The following PIK3C2B variants were observed in gnomAD, a reference collection of about 807,000 sequenced individuals.
PIK3C2B encodes the protein phosphatidylinositol-4-phosphate 3-kinase catalytic subunit type 2 beta.
PIK3C2B carries 83 observed loss-of-function variants against 184.3 expected under a neutral mutation model. That is an observed-to-expected ratio of 0.45 (90% CI 0.38 to 0.54). The LOEUF is 0.54. PIK3C2B is among the 20% of genes least tolerant of loss of function. The pLI is 0.00. For synonymous variants in PIK3C2B, 779 were observed against 837.6 expected (o/e 0.93, Z 1.21); for missense variants, 1,736 against 2,113.5 (o/e 0.82, Z 3.50).
At chr1:204,452,000 A>C (rs1415674471) in intron 12 of PIK3C2B, among the ~76,000 whole-genome samples, 2 of 152,198 alleles carry the variant, frequency 1.3e-5, no homozygotes, top group African/African-American at 4.8e-5. Context: ...GACTGGCCCA[A>C]AGACTGTCCT....
chr1:204,431,532 A>T lies in PIK3C2B; in HGVS notation c.4280+137T>A, dbSNP rs559591440. 3.6e-6 allele frequency: 4 copies of T among 1,099,896 alleles called. No individual in the cohort carries two copies. In the African/African-American group the frequency reaches 6.2e-5, roughly 17 times the overall value. 68.1% of individuals were successfully genotyped at this position (1,099,896 alleles called of 1,614,324 possible). On this transcript the variant is annotated intron_variant, in intron 28 of 32. Coordinates refer to ENST00000684373, the MANE Select transcript of PIK3C2B (RefSeq NM_001377334.1). Reference sequence around the variant, plus strand: ...GGGGGAGCACTTGTCATCAAACTCCATACCAGGCCAAGCAAAGCAGGCAGA... The same window carrying T: ...GGGGGAGCACTTGTCATCAAACTCCTTACCAGGCCAAGCAAAGCAGGCAGA...
chr1:204,434,308 A>G (rs1317678916), intron 24 of PIK3C2B, 131 bp downstream of exon 24: 1 of 779,800 alleles, frequency 1.3e-6, no homozygotes, highest in East Asian at 2.7e-5. Flanking sequence ...TCTCTCCTCC[A>G]ATGCTGCTCA....
intron 32 of PIK3C2B, 73 bp from the exon 33 acceptor site, chr1:204,425,113 G>C (rs1158017506): frequency 7.7e-7 from 1 of 1,298,034 alleles, no homozygotes; most frequent in Middle Eastern, 2.2e-4. Flanking sequence ...ACCCGAGAGG[G>C]AGATGGTAAA....
rs1487061215 is a variant in PIK3C2B at position 204,455,399 on chromosome 1, A to ATGCAGCG, written c.1943+456_1943+457insCGCTGCA. Among the ~76,000 whole-genome samples, 33 of 152,152 alleles carry ATGCAGCG rather than the reference A, an allele frequency of 2.2e-4. No homozygotes were observed. The South Asian group carries it at 6.8e-3, about 32-fold the overall frequency. ...TTCCCTCAGGCCTTGGATGCTGGGGACCCAACAGAGGCGCTGAGGATTTTA... is the reference window on the plus strand; with the variant it reads ...TTCCCTCAGGCCTTGGATGCTGGGGATGCAGCGCCCAACAGAGGCGCTGAGGATTTTA... On this transcript the variant is annotated intron_variant, in intron 11 of 32. Transcript: ENST00000684373.
intron 7 of PIK3C2B, 22 bp from the exon 8 acceptor site, chr1:204,459,963 A>G (rs200702188): frequency 6.2e-7 from 1 of 1,609,088 alleles, no homozygotes. Context: ...GGGCAGGGAA[A>G]AACCACAGGA....
intron 1 of PIK3C2B, among the ~76,000 whole-genome samples, chr1:204,484,492 T>C (rs551625714): frequency 7.2e-5 from 11 of 152,264 alleles, no homozygotes; most frequent in Non-Finnish European, 1.0e-4. Flanking sequence ...TCCAGCACTT[T>C]GGGAGGCCAA....
intron 10 of PIK3C2B, chr1:204,456,429 T>C (rs1654849800): frequency 6.0e-6 from 1 of 167,236 alleles, no homozygotes; most frequent in African/African-American, 2.4e-5. Flanking sequence ...CCCAAATACT[T>C]TGGGGGACAT....
In PIK3C2B at chr1:204,429,940, G is replaced by T. The variant is rs762550137; in HGVS notation, c.4379C>A (p.Ala1460Glu). Residue 1460 changes from alanine to glutamate, a missense_variant, in exon 29 of 33, where the codon GCA becomes GAA. Around this residue, in one of 8 missense-constraint regions of PIK3C2B, gnomAD observed 200 missense variants for 199.1 expected, o/e 1.00. Coordinates refer to ENST00000684373, the MANE Select transcript of PIK3C2B (RefSeq NM_001377334.1). Reference protein sequence around the residue: ...LNGYIWHLIHAPPEVAECDLV... With the variant: ...LNGYIWHLIHEPPEVAECDLV... ...ACCCACCTCGGCCACCTCAGGGGGT[G>T]CGTGGATCAAGTGCCAGATGTAACC... The T allele has an allele frequency of 6.2e-7, 1 of 1,611,290 alleles. No homozygotes were observed. Among genetic ancestry groups the T allele is most frequent in the Non-Finnish European group, 8.5e-7 (1 of 1,178,482 alleles).
At chr1:204,467,018 G>A (rs763815746) in intron 2 of PIK3C2B, 4 of 473,436 alleles carry the variant, frequency 8.4e-6, no homozygotes, top group South Asian at 4.8e-5. Context: ...AAGCTGAGCC[G>A]GGGAGGACCA....
At chr1:204,448,002 G>A (rs996292025) in intron 14 of PIK3C2B, among the ~76,000 whole-genome samples, 2 of 152,178 alleles carry the variant, frequency 1.3e-5, no homozygotes, top group African/African-American at 2.4e-5. Flanking sequence ...TGGGACACTC[G>A]GTCCCTACTC....
rs1165190217 is a variant in PIK3C2B at position 204,480,206 on chromosome 1, C to T, written c.-84-10320G>A. 5.9e-5 allele frequency among the ~76,000 whole-genome samples: 9 copies of T among 152,240 alleles called. No individual in the cohort carries two copies. In the East Asian group the frequency reaches 1.7e-3, roughly 29 times the overall value. On this transcript the variant is annotated intron_variant, in intron 1 of 32. Coordinates refer to ENST00000684373, the MANE Select transcript of PIK3C2B (RefSeq NM_001377334.1). ...AGACCATCCTCCAGAAGGAAGACATCCTTGCTGGGCTGACACTGGCTTTTT... is the reference window on the plus strand; with the variant it reads ...AGACCATCCTCCAGAAGGAAGACATTCTTGCTGGGCTGACACTGGCTTTTT...
intron 10 of PIK3C2B, 99 bp downstream of exon 10, chr1:204,456,938 G>C: frequency 5.6e-6 from 5 of 900,830 alleles, no homozygotes; most frequent in East Asian, 2.8e-5. Context: ...GCCGAACTCC[G>C]ACACATAAAT....
At chr1:204,468,101 T>C (rs1202223477) in intron 2 of PIK3C2B, among the ~76,000 whole-genome samples, 9 of 152,224 alleles carry the variant, frequency 5.9e-5, no homozygotes, top group Non-Finnish European at 7.3e-5. Flanking sequence ...TTTTTCTAAA[T>C]ATTTTCATTG....
rs750781430 is a variant in PIK3C2B, at chr1:204,464,546, C to T, written c.1093G>A (p.Val365Ile). 1.9e-6 allele frequency: 3 copies of T among 1,613,876 alleles called. No homozygotes were observed. Among genetic ancestry groups the T allele is most frequent in the Non-Finnish European group, 2.5e-6 (3 of 1,179,774 alleles). ...CCGAGGTGCTCTGGGCTAGGGGTGA[C>T]AGCACTCCAGACATAGCCAGTGAGG... ...YFLTGYVWSAVTPSPEHLGDE... is the reference protein window; with the variant it reads ...YFLTGYVWSAITPSPEHLGDE... The change falls in exon 4 of 33, where the codon GTC (valine) becomes ATC (isoleucine). Residue 365 changes from valine (V) to isoleucine (I), a missense_variant. Coordinates refer to ENST00000684373, the MANE Select transcript of PIK3C2B (RefSeq NM_001377334.1).
chr1:204,482,153 T>G (rs1322389889), intron 1 of PIK3C2B, among the ~76,000 whole-genome samples: 1 of 143,616 alleles, frequency 7.0e-6, no homozygotes, highest in East Asian at 2.1e-4. Context: ...GCCCCATAGC[T>G]CCATGGCCTC....
chr1:204,426,735 T>C (rs1321899273), intron 31 of PIK3C2B, among the ~76,000 whole-genome samples: 1 of 152,194 alleles, frequency 6.6e-6, no homozygotes, highest in Admixed American at 6.6e-5. Flanking sequence ...CAAACATTTA[T>C]TGAATGAAGA....
At chr1:204,479,513 A>T (rs1656964903) in intron 1 of PIK3C2B, among the ~76,000 whole-genome samples, 1 of 152,166 alleles carries the variant, frequency 6.6e-6, no homozygotes, top group African/African-American at 2.4e-5. Context: ...ATTTCCAAAA[A>T]GCAACACCTA....
Position 204,431,757 on chromosome 1 carries a change from C to T in PIK3C2B, c.4192G>A (p.Glu1398Lys). 2 of 1,614,148 alleles carry T rather than the reference C, an allele frequency of 1.2e-6. No individual in the cohort carries two copies. Among genetic ancestry groups the T allele is most frequent in the Middle Eastern group, 1.6e-4 (1 of 6,062 alleles). Reference protein sequence around the residue: ...VVKVMRENTHEATYIQRTFEE... With the variant: ...VVKVMRENTHKATYIQRTFEE... ...AAGGTCCGCTGGATGTAGGTGGCCT[C>T]GTGAGTGTTCTCTCGCATCACCTTT... The change falls in exon 28 of 33, where the codon GAG becomes AAG. Residue 1398 changes from glutamate to lysine, a missense_variant. This residue lies in a region of PIK3C2B where 200 missense variants were observed against 199.1 expected (regional missense o/e 1.00). Transcript: ENST00000684373.
chr1:204,461,869 C>T (rs985649961), intron 5 of PIK3C2B, among the ~76,000 whole-genome samples: 1 of 152,146 alleles, frequency 6.6e-6, no homozygotes, highest in African/African-American at 2.4e-5. Context: ...CCTGAACCCA[C>T]TCACCCCCTC....
Sources: gnomAD v4.1 joint callset for allele counts (sites outside exome capture counted in the v4.1 genomes callset) on GRCh38, gnomAD v4.1.1 for gene constraint, gnomAD v4.1.1 regional missense constraint, MANE v1.5 for transcripts, NCBI Gene and HGNC (gene_info 2026-07-23, HGNC 2026-07-21) for gene names.